OR14K1: variants seen among roughly 807,000 people sequenced by gnomAD.
OR14K1 encodes olfactory receptor family 14 subfamily K member 1.
For synonymous variants in OR14K1, 104 were observed against 70.0 expected (o/e 1.49, Z -2.42); for missense variants, 253 against 174.4 (o/e 1.45, Z -2.54).
At position 247,739,237 on chromosome 1, in the gene OR14K1, G is replaced by A. The variant is rs1191659025; in HGVS notation, c.623G>A (p.Cys208Tyr). 1.3e-6 allele frequency: 1 copy of A among 780,706 alleles called. No homozygotes were observed. Among genetic ancestry groups the A allele is most frequent in the African/African-American group, 1.7e-5 (1 of 59,118 alleles). The allele number at this position is 780,706 out of a possible 1,614,324, so 48.4% of individuals were successfully genotyped here. Residue 208 changes from cysteine (C) to tyrosine (Y), a missense_variant, in exon 1 of 1, where the codon TGT (cysteine) becomes TAT (tyrosine). Physicochemically the swap from Cys to Tyr is radical, Grantham distance 194. Transcript: ENST00000283225. ...VAIGVCYAFSCLVCIVVSYVY... is the reference protein window; with the variant it reads ...VAIGVCYAFSYLVCIVVSYVY... ...ATTGGGGTCTGTTATGCATTTTCATGTTTAGTTTGCATTGTAGTTTCCTAT... is the reference window on the plus strand; with the variant it reads ...ATTGGGGTCTGTTATGCATTTTCATATTTAGTTTGCATTGTAGTTTCCTAT...
rs1660755754 is a variant in OR14K1 at position 247,739,286 on chromosome 1, A to G, written c.672A>G (p.Leu224=). 1 of 780,806 alleles carries G rather than the reference A, an allele frequency of 1.3e-6. No individual in the cohort carries two copies. Among genetic ancestry groups the G allele is most frequent in the African/African-American group, 1.7e-5 (1 of 59,240 alleles). The allele number at this position is 780,806 out of a possible 1,614,324, so 48.4% of individuals were successfully genotyped here. ...ATGTGTACATTTTCTCTGCTGTGTTAAGGATATCACAGAGACAGAGACAAT... is the reference window on the plus strand; with the variant it reads ...ATGTGTACATTTTCTCTGCTGTGTTGAGGATATCACAGAGACAGAGACAAT... ...VSYVYIFSAV[L]RISQRQRQSK... The change falls in exon 1 of 1, where the codon TTA becomes TTG. Residue 224 remains leucine (L), a synonymous_variant. Transcript: ENST00000283225.
rs1358795382 is a variant in OR14K1 at position 247,738,802 on chromosome 1, A to C, written c.188A>C (p.His63Pro). The C allele has an allele frequency of 3.8e-6, 3 of 780,522 alleles. No individual in the cohort carries two copies. Among genetic ancestry groups the C allele is most frequent in the Non-Finnish European group, 7.2e-6 (3 of 417,944 alleles). 48.3% of individuals were successfully genotyped at this position (780,522 alleles called of 1,614,324 possible). A position where few individuals can be genotyped will look rare whatever the true frequency, so the allele number is the denominator to read the frequency against. The change falls in exon 1 of 1, where the codon CAT becomes CCT. Residue 63 changes from histidine (H) to proline (P), a missense_variant. Physicochemically the swap from His to Pro is moderately conservative, Grantham distance 77 (BLOSUM62 -2). Transcript: ENST00000283225. ...LHMAMYFFLR[H>P]LSFLDLCLIS... ...ATGGCAATGTACTTTTTCCTCCGAC[A>C]TTTGTCCTTCTTAGACCTGTGTCTC... is the stretch of plus-strand genomic sequence containing the variant.
At position 247,739,410 on chromosome 1, in the gene OR14K1, T is replaced by C. The variant is rs200995443; in HGVS notation, c.796T>C (p.Ser266Pro). 183 of 780,712 alleles carry C rather than the reference T, an allele frequency of 2.3e-4. No individual in the cohort carries two copies. Among genetic ancestry groups the C allele is most frequent in the Non-Finnish European group, 4.1e-4 (173 of 417,972 alleles). 48.4% of individuals were successfully genotyped at this position (780,712 alleles called of 1,614,324 possible). ...AYLKPGSDAPSILDLLVSVFY... is the reference protein window; with the variant it reads ...AYLKPGSDAPPILDLLVSVFY... ...TTTAAAGCCAGGGTCTGATGCACCT[T>C]CTATTCTAGACTTGCTGGTGTCTGT... The change falls in exon 1 of 1, where the codon TCT becomes CCT. Residue 266 changes from serine to proline, a missense_variant. By Grantham distance (74) the Ser-to-Pro change is moderately conservative. Coordinates refer to ENST00000283225, the MANE Select transcript of OR14K1 (RefSeq NM_001004732.2).
chr1:247,738,719 GGC>G, the OR14K1 span: 7 of 780,726 alleles, frequency 9.0e-6, no homozygotes, highest in Non-Finnish European at 1.4e-5. Flanking sequence ...TCTACCTCAC[GGC>G]TGTGCTGATG....
chr1:247,738,981 G>GC, the OR14K1 span: 1 of 780,700 alleles, frequency 1.3e-6, no homozygotes, highest in African/African-American at 1.7e-5. Context: ...CCGCTATGCT[G>GC]CCATCTGCTG....
At position 247,738,884 on chromosome 1, in the gene OR14K1, C is replaced by A. The variant is rs764579816; in HGVS notation, c.270C>A (p.Ile90=). The A allele has an allele frequency of 4.9e-5, 38 of 780,672 alleles. No individual in the cohort carries two copies. The highest frequency in any genetic ancestry group is 9.1e-5 in the Non-Finnish European group (38 of 417,972). 48.4% of individuals were successfully genotyped at this position (780,672 alleles called of 1,614,324 possible). A position where few individuals can be genotyped will look rare whatever the true frequency, so the allele number is the denominator to read the frequency against. Residue 90 remains isoleucine, a synonymous_variant, in exon 1 of 1, where the codon ATC becomes ATA. Transcript: ENST00000283225. ...ACTCTGTCGCCTCCACTGACTCCAT[C>A]TCCTTCCTGGGGTGTGTGTTGCAGC... is the stretch of plus-strand genomic sequence containing the variant. The part of the protein sequence containing the change: ...ILNSVASTDS[I]SFLGCVLQLF...
In OR14K1 at chr1:247,739,283, G is replaced by T. The variant is rs747592797; in HGVS notation, c.669G>T (p.Val223=). The T allele has an allele frequency of 1.3e-6, 1 of 780,852 alleles. No homozygotes were observed. The highest frequency in any genetic ancestry group is 2.3e-4 in the Middle Eastern group (1 of 4,442). 48.4% of individuals were successfully genotyped at this position (780,852 alleles called of 1,614,324 possible). ...CCTATGTGTACATTTTCTCTGCTGT[G>T]TTAAGGATATCACAGAGACAGAGAC... ...VVSYVYIFSA[V]LRISQRQRQS... The change falls in exon 1 of 1, where the codon GTG becomes GTT. Residue 223 remains valine, a synonymous_variant. Transcript: ENST00000283225.
At position 247,738,784 on chromosome 1, in the gene OR14K1, T is replaced by C. The variant is rs1167956957; in HGVS notation, c.170T>C (p.Met57Thr). 1 of 780,736 alleles carries C rather than the reference T, an allele frequency of 1.3e-6. No individual in the cohort carries two copies. Among genetic ancestry groups the C allele is most frequent in the Non-Finnish European group, 2.4e-6 (1 of 417,988 alleles). 48.4% of individuals were successfully genotyped at this position (780,736 alleles called of 1,614,324 possible). A position where few individuals can be genotyped will look rare whatever the true frequency, so the allele number is the denominator to read the frequency against. The change falls in exon 1 of 1, where the codon ATG becomes ACG. Residue 57 changes from methionine to threonine, a missense_variant. Transcript: ENST00000283225. ...MILDHRLHMAMYFFLRHLSFL... is the reference protein window; with the variant it reads ...MILDHRLHMATYFFLRHLSFL... Reference sequence around the variant, plus strand: ...CTGGACCATCGTCTCCACATGGCAATGTACTTTTTCCTCCGACATTTGTCC... The same window carrying C: ...CTGGACCATCGTCTCCACATGGCAACGTACTTTTTCCTCCGACATTTGTCC...
In OR14K1 at chr1:247,739,522, T is replaced by C. The variant is rs1408041900; in HGVS notation, c.908T>C (p.Leu303Pro). 1.3e-6 allele frequency: 1 copy of C among 780,540 alleles called. No homozygotes were observed. Among genetic ancestry groups the C allele is most frequent in the Admixed American group, 1.7e-5 (1 of 58,942 alleles). 48.4% of individuals were successfully genotyped at this position (780,540 alleles called of 1,614,324 possible). Reference protein sequence around the residue: ...KDIKSALSKVLWNVRSSGVMK... With the variant: ...KDIKSALSKVPWNVRSSGVMK... ...ATTAAATCCGCTCTGAGTAAAGTCCTGTGGAATGTTAGAAGCAGTGGGGTA... is the reference window on the plus strand; with the variant it reads ...ATTAAATCCGCTCTGAGTAAAGTCCCGTGGAATGTTAGAAGCAGTGGGGTA... Residue 303 changes from leucine (L) to proline (P), a missense_variant, in exon 1 of 1, where the codon CTG becomes CCG. Leu to Pro is a moderately conservative substitution (Grantham distance 98). Coordinates refer to ENST00000283225, the MANE Select transcript of OR14K1 (RefSeq NM_001004732.2).
In OR14K1 at chr1:247,739,011, G is replaced by T; in HGVS notation, c.397G>T (p.Val133Phe). The change falls in exon 1 of 1, where the codon GTC (valine) becomes TTC (phenylalanine). Residue 133 changes from valine (V) to phenylalanine (F), a missense_variant. By Grantham distance (50) the Val-to-Phe change is conservative (BLOSUM62 -1). Transcript: ENST00000283225. ...AICCPLHCEAVMSRGLCVQLM... is the reference protein window; with the variant it reads ...AICCPLHCEAFMSRGLCVQLM... ...CTGCTGCCCCCTACACTGTGAGGCTGTCATGAGCAGAGGGCTCTGTGTCCA... is the reference window on the plus strand; with the variant it reads ...CTGCTGCCCCCTACACTGTGAGGCTTTCATGAGCAGAGGGCTCTGTGTCCA... The T allele has an allele frequency of 1.3e-6, 1 of 780,732 alleles. No individual in the cohort carries two copies. Among genetic ancestry groups the T allele is most frequent in the Non-Finnish European group, 2.4e-6 (1 of 417,962 alleles). 48.4% of individuals were successfully genotyped at this position (780,732 alleles called of 1,614,324 possible).
In OR14K1 at chr1:247,738,748, T is replaced by A. The variant is rs1378781361; in HGVS notation, c.134T>A (p.Leu45His). The A allele has an allele frequency of 1.3e-6, 1 of 780,840 alleles. No homozygotes were observed. Among genetic ancestry groups the A allele is most frequent in the South Asian group, 1.3e-5 (1 of 74,618 alleles). 48.4% of individuals were successfully genotyped at this position (780,840 alleles called of 1,614,324 possible). A position where few individuals can be genotyped will look rare whatever the true frequency, so the allele number is the denominator to read the frequency against. Residue 45 changes from leucine to histidine, a missense_variant, in exon 1 of 1, where the codon CTC becomes CAC. Transcript: ENST00000283225. ...GTGCTGATGAATTTAGTCATCATTCTCCTCATGATTCTGGACCATCGTCTC... is the reference window on the plus strand; with the variant it reads ...GTGCTGATGAATTTAGTCATCATTCACCTCATGATTCTGGACCATCGTCTC... ...TAVLMNLVII[L>H]LMILDHRLHM... is the part of the protein sequence containing the mutation.
rs760031564 is a variant in OR14K1, at chr1:247,739,329, T to G, written c.715T>G (p.Cys239Gly). The change falls in exon 1 of 1, where the codon TGT becomes GGT. Residue 239 changes from cysteine (C) to glycine (G), a missense_variant. Coordinates refer to ENST00000283225, the MANE Select transcript of OR14K1 (RefSeq NM_001004732.2). ...RQRQSKAFSN[C>G]VPHLIVVTVF... ...GAGACAATCCAAAGCCTTTTCCAAC[T>G]GTGTGCCTCACCTCATTGTTGTCAC... The G allele has an allele frequency of 1.3e-6, 1 of 780,840 alleles. No individual in the cohort carries two copies. Among genetic ancestry groups the G allele is most frequent in the African/African-American group, 1.7e-5 (1 of 59,260 alleles). The allele number at this position is 780,840 out of a possible 1,614,324, so 48.4% of individuals were successfully genotyped here.
rs774768621 is a variant in OR14K1, at chr1:247,739,313, C to G, written c.699C>G (p.Ser233=). The G allele has an allele frequency of 2.6e-6, 2 of 780,768 alleles. No individual in the cohort carries two copies. The highest frequency in any genetic ancestry group is 4.8e-6 in the Non-Finnish European group (2 of 417,946). The allele number at this position is 780,768 out of a possible 1,614,324, so 48.4% of individuals were successfully genotyped here. The change falls in exon 1 of 1, where the codon TCC becomes TCG. Residue 233 remains serine (S), a synonymous_variant. Coordinates refer to ENST00000283225, the MANE Select transcript of OR14K1 (RefSeq NM_001004732.2). ...GGATATCACAGAGACAGAGACAATCCAAAGCCTTTTCCAACTGTGTGCCTC... is the reference window on the plus strand; with the variant it reads ...GGATATCACAGAGACAGAGACAATCGAAAGCCTTTTCCAACTGTGTGCCTC... ...VLRISQRQRQ[S]KAFSNCVPHL...
rs759902594 is a variant in OR14K1, at chr1:247,738,688, A to G, written c.74A>G (p.His25Arg). Residue 25 changes from histidine (H) to arginine (R), a missense_variant, in exon 1 of 1, where the codon CAT (histidine) becomes CGT (arginine). Physicochemically the swap from His to Arg is conservative, Grantham distance 29. Coordinates refer to ENST00000283225, the MANE Select transcript of OR14K1 (RefSeq NM_001004732.2). ...GAGAATTGGGTGCTCCTGAGGCTGC[A>G]TGCTTTGCTCTTCTCACTGATCTAC... is the stretch of plus-strand genomic sequence containing the variant. ...FTENWVLLRL[H>R]ALLFSLIYLT... 1.3e-6 allele frequency: 1 copy of G among 780,856 alleles called. No homozygotes were observed. The highest frequency in any genetic ancestry group is 2.4e-6 in the Non-Finnish European group (1 of 417,966). The allele number at this position is 780,856 out of a possible 1,614,324, so 48.4% of individuals were successfully genotyped here. A position where few individuals can be genotyped will look rare whatever the true frequency, so the allele number is the denominator to read the frequency against.
rs749099524 is a variant in OR14K1, at chr1:247,739,030, G to A, written c.416G>A (p.Cys139Tyr). Residue 139 changes from cysteine to tyrosine, a missense_variant, in exon 1 of 1, where the codon TGT becomes TAT. Cys to Tyr is a radical substitution (Grantham distance 194, BLOSUM62 -2). Coordinates refer to ENST00000283225, the MANE Select transcript of OR14K1 (RefSeq NM_001004732.2). ...GAGGCTGTCATGAGCAGAGGGCTCT[G>A]TGTCCAGTTGATGGCTCTGTCCTGG... ...HCEAVMSRGL[C>Y]VQLMALSWLN... 11 of 780,668 alleles carry A rather than the reference G, an allele frequency of 1.4e-5. No individual in the cohort carries two copies. Among genetic ancestry groups the A allele is most frequent in the South Asian group, 1.1e-4 (8 of 74,604 alleles). 48.4% of individuals were successfully genotyped at this position (780,668 alleles called of 1,614,324 possible). A position where few individuals can be genotyped will look rare whatever the true frequency, so the allele number is the denominator to read the frequency against.
Position 247,739,226 on chromosome 1 carries a change from T to C in OR14K1, c.612T>C (p.Tyr204=), listed in dbSNP as rs773714689. ...ISVSVAIGVC[Y]AFSCLVCIVV... ...TCAGTGTGGCCATTGGGGTCTGTTATGCATTTTCATGTTTAGTTTGCATTG... is the reference window on the plus strand; with the variant it reads ...TCAGTGTGGCCATTGGGGTCTGTTACGCATTTTCATGTTTAGTTTGCATTG... Residue 204 remains tyrosine, a synonymous_variant, in exon 1 of 1, where the codon TAT becomes TAC. Coordinates refer to ENST00000283225, the MANE Select transcript of OR14K1 (RefSeq NM_001004732.2). 1.3e-5 allele frequency: 10 copies of C among 780,808 alleles called. No individual in the cohort carries two copies. The highest frequency in any genetic ancestry group is 4.5e-4 in the Middle Eastern group (2 of 4,464). The allele number at this position is 780,808 out of a possible 1,614,324, so 48.4% of individuals were successfully genotyped here. A position where few individuals can be genotyped will look rare whatever the true frequency, so the allele number is the denominator to read the frequency against.
At position 247,739,450 on chromosome 1, in the gene OR14K1, C is replaced by T; in HGVS notation, c.836C>T (p.Ala279Val). 2.6e-6 allele frequency: 2 copies of T among 780,806 alleles called. No individual in the cohort carries two copies. Among genetic ancestry groups the T allele is most frequent in the South Asian group, 2.7e-5 (2 of 74,622 alleles). 48.4% of individuals were successfully genotyped at this position (780,806 alleles called of 1,614,324 possible). A position where few individuals can be genotyped will look rare whatever the true frequency, so the allele number is the denominator to read the frequency against. Residue 279 changes from alanine to valine, a missense_variant, in exon 1 of 1, where the codon GCA (alanine) becomes GTA (valine). Transcript: ENST00000283225. ...DLLVSVFYSV[A>V]PPTLNPVIYC... Reference sequence around the variant, plus strand: ...CTGGTGTCTGTGTTCTATTCTGTCGCACCTCCAACCTTGAACCCTGTTATC... The same window carrying T: ...CTGGTGTCTGTGTTCTATTCTGTCGTACCTCCAACCTTGAACCCTGTTATC...
Position 247,739,093 on chromosome 1 carries a change from G to A in OR14K1, c.479G>A (p.Gly160Glu). 1.3e-6 allele frequency: 1 copy of A among 780,830 alleles called. No individual in the cohort carries two copies. Among genetic ancestry groups the A allele is most frequent in the Non-Finnish European group, 2.4e-6 (1 of 417,982 alleles). 48.4% of individuals were successfully genotyped at this position (780,830 alleles called of 1,614,324 possible). A position where few individuals can be genotyped will look rare whatever the true frequency, so the allele number is the denominator to read the frequency against. Residue 160 changes from glycine to glutamate, a missense_variant, in exon 1 of 1, where the codon GGA becomes GAA. Coordinates refer to ENST00000283225, the MANE Select transcript of OR14K1 (RefSeq NM_001004732.2). ...RGALGLLYTA[G>E]TFSLNFYGSD... Reference sequence around the variant, plus strand: ...GCCTTGGGACTCTTGTACACAGCTGGAACATTCTCTCTGAATTTTTATGGC... The same window carrying A: ...GCCTTGGGACTCTTGTACACAGCTGAAACATTCTCTCTGAATTTTTATGGC...
chr1:247,739,383 T>C lies in OR14K1; in HGVS notation c.769T>C (p.Tyr257His). 1.3e-6 allele frequency: 1 copy of C among 780,826 alleles called. No homozygotes were observed. 48.4% of individuals were successfully genotyped at this position (780,826 alleles called of 1,614,324 possible). Residue 257 changes from tyrosine (Y) to histidine (H), a missense_variant, in exon 1 of 1, where the codon TAT becomes CAT. Tyr to His is a moderately conservative substitution (Grantham distance 83). Coordinates refer to ENST00000283225, the MANE Select transcript of OR14K1 (RefSeq NM_001004732.2). ...TVFLVTGAVA[Y>H]LKPGSDAPSI... Reference sequence around the variant, plus strand: ...GTTTCTTGTAACAGGTGCTGTTGCTTATTTAAAGCCAGGGTCTGATGCACC... The same window carrying C: ...GTTTCTTGTAACAGGTGCTGTTGCTCATTTAAAGCCAGGGTCTGATGCACC...
Sources: allele counts gnomAD v4.1 joint callset, GRCh38; gene constraint gnomAD v4.1.1; transcripts MANE v1.5; gene names NCBI Gene and HGNC (gene_info 2026-07-23, HGNC 2026-07-21).